BLTP2: variants seen among roughly 807,000 people sequenced by gnomAD.
The protein encoded by BLTP2 is bridge-like lipid transfer protein family member 2, also known as U937-associated antigen.
At chr17:28,624,009 G>A in the BLTP2 span, 8 of 1,566,466 alleles carry the variant, frequency 5.1e-6, no homozygotes, top group African/African-American at 5.4e-5. Flanking sequence ...CAAGGACGAT[G>A]AGGTTAGTGA....
the BLTP2 span, among the ~76,000 whole-genome samples, chr17:28,630,376 T>G: frequency 6.6e-6 from 1 of 151,574 alleles, no homozygotes; most frequent in South Asian, 2.1e-4. Context: ...CAGACTGGTC[T>G]CAAACTCCTG....
the BLTP2 span, chr17:28,617,182 C>T: frequency 6.8e-7 from 1 of 1,473,530 alleles, no homozygotes. Context: ...TTATAAATGC[C>T]CCGTGCTAAA....
At chr17:28,634,737 G>C in the BLTP2 span, 3 of 1,614,000 alleles carry the variant, frequency 1.9e-6, no homozygotes, top group Non-Finnish European at 2.5e-6. Context: ...AGAGACGACG[G>C]GAACGCTGGA....
the BLTP2 span, chr17:28,634,661 G>C: frequency 9.9e-6 from 16 of 1,614,088 alleles, no homozygotes; most frequent in African/African-American, 2.0e-4. Context: ...GCATCTGCCA[G>C]AGCTACCAGT....
the BLTP2 span, chr17:28,635,412 T>A: frequency 3.4e-5 from 55 of 1,614,050 alleles, 1 homozygote; most frequent in Non-Finnish European, 4.3e-5. Flanking sequence ...GCAGCCGCTT[T>A]GGGGGTAATG....
chr17:28,626,965 G>A, the BLTP2 span, among the ~76,000 whole-genome samples: 1 of 152,198 alleles, frequency 6.6e-6, no homozygotes, highest in African/African-American at 2.4e-5. Flanking sequence ...GCCTGTGACT[G>A]GCATATGAAG....
chr17:28,617,323 A>AATAT, the BLTP2 span: 12 of 1,611,600 alleles, frequency 7.4e-6, no homozygotes, highest in East Asian at 2.5e-4. Context: ...ATTCACCTAT[A>AATAT]AAGACAGATT....
the BLTP2 span, chr17:28,644,075 G>A: frequency 6.2e-7 from 1 of 1,614,240 alleles, no homozygotes. Flanking sequence ...TGCTGGTGTT[G>A]CTGAAACTTA....
chr17:28,629,731 G>C, the BLTP2 span, among the ~76,000 whole-genome samples: 5 of 152,014 alleles, frequency 3.3e-5, no homozygotes, highest in Non-Finnish European at 5.9e-5. Flanking sequence ...CGCCCACCTT[G>C]GCATCCCAAA....
the BLTP2 span, chr17:28,620,142 G>C: frequency 1.3e-5 from 11 of 840,274 alleles, 1 homozygote; most frequent in Non-Finnish European, 2.0e-5. Flanking sequence ...TCTGTCACTG[G>C]TAATAGCAAC....
At chr17:28,643,852 T>C in the BLTP2 span, among the ~76,000 whole-genome samples, 3 of 152,246 alleles carry the variant, frequency 2.0e-5, no homozygotes, top group Non-Finnish European at 2.9e-5. Context: ...TTATGTGCCC[T>C]GGACACTCTG....
At chr17:28,624,373 T>C in the BLTP2 span, 1 of 1,613,314 alleles carries the variant, frequency 6.2e-7, no homozygotes, top group Non-Finnish European at 8.5e-7. Context: ...TCAATTAGCT[T>C]CTGCAACATG....
the BLTP2 span, chr17:28,634,550 G>A: frequency 6.2e-6 from 10 of 1,613,912 alleles, no homozygotes; most frequent in East Asian, 2.2e-5. Flanking sequence ...TTGAGCATTC[G>A]ACACCACTGA....
chr17:28,633,210 C>T, the BLTP2 span: 5 of 1,597,284 alleles, frequency 3.1e-6, no homozygotes, highest in Non-Finnish European at 4.3e-6. Context: ...TCACTCACTT[C>T]CCCTTGGCTC....
chr17:28,639,365 T>C, the BLTP2 span: 8 of 1,614,158 alleles, frequency 5.0e-6, no homozygotes, highest in African/African-American at 9.3e-5. Flanking sequence ...GGGTTTCCAG[T>C]GCTAGCAGGT....
At chr17:28,632,890 A>G in the BLTP2 span, 2 of 1,362,090 alleles carry the variant, frequency 1.5e-6, no homozygotes, top group Non-Finnish European at 2.0e-6. Flanking sequence ...CCCAGCATCC[A>G]TGCCCGTCCT....
the BLTP2 span, among the ~76,000 whole-genome samples, chr17:28,623,151 A>G: frequency 6.6e-6 from 1 of 152,150 alleles, no homozygotes; most frequent in Non-Finnish European, 1.5e-5. Context: ...ACTGACTTAA[A>G]AAAAAAAATA....
the BLTP2 span, chr17:28,620,022 G>A: frequency 6.2e-7 from 1 of 1,605,808 alleles, no homozygotes; most frequent in South Asian, 1.1e-5. Flanking sequence ...GTTCCTAAAG[G>A]AATGGAAAGG....
At chr17:28,633,680 C>T in the BLTP2 span, 2 of 1,614,136 alleles carry the variant, frequency 1.2e-6, no homozygotes, top group Non-Finnish European at 1.7e-6. Flanking sequence ...AAGAGGTCCA[C>T]ACACTGGCCA....
Sources: gnomAD v4.1 joint callset for allele counts (sites outside exome capture counted in the v4.1 genomes callset) on GRCh38, gnomAD v4.1.1 for gene constraint, MANE v1.5 for transcripts, NCBI Gene and HGNC (gene_info 2026-07-23, HGNC 2026-07-21) for gene names.